RAB11FIP3: variants seen among roughly 807,000 people sequenced by gnomAD.
RAB11FIP3 encodes RAB11 family interacting protein 3, also known as rab11 family-interacting protein 3.
RAB11FIP3 carries 17 observed loss-of-function variants against 77.8 expected under a neutral mutation model. That is an observed-to-expected ratio of 0.22 (90% CI 0.15 to 0.33). RAB11FIP3 has a LOEUF of 0.33. Among genes scored for constraint, RAB11FIP3 ranks in the 10% least tolerant of loss-of-function variants. The pLI is 1.00. For synonymous variants in RAB11FIP3, 437 were observed against 448.2 expected, an observed-to-expected ratio of 0.98 and a Z score of 0.31; for missense variants, 1,005 against 1,011.2, an observed-to-expected ratio of 0.99 and a Z score of 0.08.
In RAB11FIP3 at chr16:484,356, AT is replaced by A. The variant is rs570885979; in HGVS notation, c.1115+1633del. Among the ~76,000 whole-genome samples the A allele has an allele frequency of 1.5e-3, 223 of 144,864 alleles. 1 individual carries two copies. Among genetic ancestry groups the A allele is most frequent in the South Asian group, 7.4e-3 (34 of 4,574 alleles). On this transcript the variant is annotated intron_variant, in intron 4 of 13. Coordinates refer to ENST00000262305, the MANE Select transcript of RAB11FIP3 (RefSeq NM_014700.4). Reference sequence around the variant, plus strand: ...TGCTGTTGCGCTTGTGGATTTAGCCATTTTTTTTTTTTTGAGACGGAGTCTC... The same window carrying A: ...TGCTGTTGCGCTTGTGGATTTAGCCATTTTTTTTTTTTGAGACGGAGTCTC...
intron 4 of RAB11FIP3, among the ~76,000 whole-genome samples, chr16:484,340 G>A (rs1051549506): frequency 2.6e-5 from 4 of 151,098 alleles, no homozygotes; most frequent in African/African-American, 7.4e-5. Flanking sequence ...TTGCTGTTGC[G>A]CTTGTGGATT....
At chr16:477,918 C>T (rs1300822429) in intron 3 of RAB11FIP3, among the ~76,000 whole-genome samples, 7 of 152,160 alleles carry the variant, frequency 4.6e-5, no homozygotes, top group Admixed American at 4.6e-4. Context: ...AAGCACCTTC[C>T]TGGGTTGTCT....
rs563597679 is a variant in RAB11FIP3, at chr16:449,133, C to T, written c.715-12271C>T. ...CCCTCTTGCCCCTCCAACCTCACTT[C>T]CAGCTGCCGGCCCCCTGCTCACTCT... On this transcript the variant is annotated intron_variant, in intron 1 of 13. Transcript: ENST00000262305. 2.0e-5 allele frequency among the ~76,000 whole-genome samples: 3 copies of T among 152,244 alleles called. No homozygotes were observed. The East Asian group carries it at 5.8e-4, about 29-fold the overall frequency.
At chr16:502,337 G>A (rs2031580914) in intron 6 of RAB11FIP3, among the ~76,000 whole-genome samples, 1 of 152,258 alleles carries the variant, frequency 6.6e-6, no homozygotes, top group African/African-American at 2.4e-5. Context: ...CCATGAGGCT[G>A]TGTCCCCGAG....
chr16:469,632 C>T lies in RAB11FIP3; in HGVS notation c.809-1663C>T, dbSNP rs544990287. Among the ~76,000 whole-genome samples the T allele has an allele frequency of 4.1e-3, 596 of 145,814 alleles. 4 individuals carry two copies. The highest frequency in any genetic ancestry group is 0.014 in the African/African-American group (552 of 39,358). The stretch of plus-strand genomic sequence containing the variant: ...CTAGAACTCCTGACCTTAAGTGATC[C>T]GCCCGCCTCGGCCTCCCAAAGTGCT... On this transcript the variant is annotated intron_variant, in intron 2 of 13. Coordinates refer to ENST00000262305, the MANE Select transcript of RAB11FIP3 (RefSeq NM_014700.4).
intron 12 of RAB11FIP3, 74 bp from the exon 13 acceptor site, chr16:520,385 C>G: frequency 6.3e-7 from 1 of 1,592,724 alleles, no homozygotes; most frequent in Non-Finnish European, 8.6e-7. Flanking sequence ...AGGCCTTTTT[C>G]CCCGGGCAGT....
chr16:501,953 T>TC (rs1367888041), intron 6 of RAB11FIP3, among the ~76,000 whole-genome samples: 2 of 140,844 alleles, frequency 1.4e-5, no homozygotes, highest in East Asian at 4.3e-4. Flanking sequence ...TGGGAGAGGG[T>TC]CCCCCCATTT....
At chr16:494,003 A>G (rs1234011537) in intron 5 of RAB11FIP3, among the ~76,000 whole-genome samples, 1 of 130,076 alleles carries the variant, frequency 7.7e-6, no homozygotes, top group African/African-American at 3.1e-5. Context: ...TCCCGGGTTC[A>G]CTCCATTCTC....
intron 4 of RAB11FIP3, among the ~76,000 whole-genome samples, chr16:488,462 G>A (rs1360308077): frequency 2.0e-5 from 3 of 151,954 alleles, no homozygotes; most frequent in African/African-American, 2.4e-5. Context: ...AGGCTGGAGT[G>A]TAGTGGCATC....
At chr16:520,409 C>T (rs1596305777) in intron 12 of RAB11FIP3, 50 bp from the exon 13 acceptor site, 2 of 1,605,656 alleles carry the variant, frequency 1.2e-6, no homozygotes, top group South Asian at 1.1e-5. Context: ...TGTCCCTGCT[C>T]AGCCACCAGC....
chr16:479,612 A>C (rs2055992399), intron 3 of RAB11FIP3, among the ~76,000 whole-genome samples: 1 of 152,118 alleles, frequency 6.6e-6, no homozygotes, highest in Admixed American at 6.6e-5. Flanking sequence ...TCCTGTCTCT[A>C]TTTTATTAAA....
At chr16:488,572 G>C (rs1335656740) in intron 4 of RAB11FIP3, among the ~76,000 whole-genome samples, 1 of 151,926 alleles carries the variant, frequency 6.6e-6, no homozygotes, top group Non-Finnish European at 1.5e-5. Flanking sequence ...CCATGCCTGG[G>C]TGATTTAAAA....
At chr16:447,517 C>T (rs142826036) in intron 1 of RAB11FIP3, among the ~76,000 whole-genome samples, 112 of 151,960 alleles carry the variant, frequency 7.4e-4, no homozygotes, top group African/African-American at 2.6e-3. Context: ...GGCGGTGGAT[C>T]ACGATGTCAG....
chr16:489,502 G>T (rs1000178828), intron 5 of RAB11FIP3, among the ~76,000 whole-genome samples: 34 of 152,188 alleles, frequency 2.2e-4, no homozygotes, highest in African/African-American at 8.2e-4. Flanking sequence ...CTCTTGGCTT[G>T]GATCCGAACA....
At chr16:492,771 T>C (rs1447086211) in intron 5 of RAB11FIP3, among the ~76,000 whole-genome samples, 1 of 152,158 alleles carries the variant, frequency 6.6e-6, no homozygotes, top group African/African-American at 2.4e-5. Flanking sequence ...GTCTCGTCTC[T>C]CATTTTCTGA....
chr16:426,573 G>C lies in RAB11FIP3; in HGVS notation c.567G>C (p.Gln189His), dbSNP rs2054948362. The change falls in exon 1 of 14, where the codon CAG (glutamine) becomes CAC (histidine). Residue 189 changes from glutamine to histidine, a missense_variant. Transcript: ENST00000262305. This position sits in a 1 kb window ranked among gnomAD's most constrained non-coding sequence, Gnocchi z 5.0. ...GSPPQPSDLS[Q>H]THPLPSEPVG... ...CGCCGCAGCCCTCGGACCTCAGCCA[G>C]ACCCACCCCCTTCCGAGCGAGCCCG... 6.3e-7 allele frequency: 1 copy of C among 1,595,516 alleles called. No individual in the cohort carries two copies.
At chr16:458,382 C>T (rs544801014) in intron 1 of RAB11FIP3, among the ~76,000 whole-genome samples, 1 of 150,788 alleles carries the variant, frequency 6.6e-6, no homozygotes, top group South Asian at 2.1e-4. Flanking sequence ...ATCTGGACTT[C>T]ACCACAGGGC....
At chr16:439,876 G>C (rs1364427603) in intron 1 of RAB11FIP3, among the ~76,000 whole-genome samples, 1 of 150,986 alleles carries the variant, frequency 6.6e-6, no homozygotes, top group Non-Finnish European at 1.5e-5. Context: ...ACGGGGTCTC[G>C]CTCTGTTGCC....
At position 507,994 on chromosome 16, in the gene RAB11FIP3, C is replaced by T. The variant is rs1202605105; in HGVS notation, c.1499+2367C>T. Among the ~76,000 whole-genome samples, 1 of 152,250 alleles carries T rather than the reference C, an allele frequency of 6.6e-6. No homozygotes were observed. The highest frequency in any genetic ancestry group is 1.9e-4 in the East Asian group (1 of 5,208). ...CCATCCTAGGAATTCCGAGTGCTTTCTCCTGTGTTTGATTCCTTATTTTCT... is the reference window on the plus strand; with the variant it reads ...CCATCCTAGGAATTCCGAGTGCTTTTTCCTGTGTTTGATTCCTTATTTTCT... On this transcript the variant is annotated intron_variant, in intron 8 of 13. Coordinates refer to ENST00000262305, the MANE Select transcript of RAB11FIP3 (RefSeq NM_014700.4). The surrounding 1 kb of genome is among the most constrained non-coding windows in gnomAD (Gnocchi z 4.6).
Sources: allele counts gnomAD v4.1 joint callset (sites outside exome capture counted in the v4.1 genomes callset), GRCh38; gene constraint gnomAD v4.1.1; non-coding constraint Gnocchi (gnomAD v3.1); transcripts MANE v1.5; gene names NCBI Gene and HGNC (gene_info 2026-07-23, HGNC 2026-07-21).